CNOT10: variants seen among roughly 807,000 people sequenced by gnomAD.
CNOT10 encodes the protein CCR4-NOT transcription complex, subunit 10.
CNOT10 carries 30 observed loss-of-function variants against 94.6 expected under a neutral mutation model. That is an observed-to-expected ratio of 0.32 (90% CI 0.24 to 0.43). The LOEUF is 0.43. Among genes scored for constraint, CNOT10 ranks in the 20% least tolerant of loss-of-function variants. The pLI is 1.00. For synonymous variants in CNOT10, 289 were observed against 301.6 expected, an observed-to-expected ratio of 0.96 and a Z score of 0.43; for missense variants, 759 against 877.2, an observed-to-expected ratio of 0.87 and a Z score of 1.70.
chr3:32,753,845 G>A (rs2125617786), intron 13 of CNOT10: 2 of 1,518,074 alleles, frequency 1.3e-6, no homozygotes, highest in South Asian at 1.1e-5. Context: ...CTGGTCTGAT[G>A]TAGGTAAAAG....
rs1414155300 is a variant in CNOT10 at position 32,708,701 on chromosome 3, T to C, written c.311T>C (p.Leu104Ser). 1.9e-6 allele frequency: 3 copies of C among 1,613,114 alleles called. No individual in the cohort carries two copies. Among genetic ancestry groups the C allele is most frequent in the East Asian group, 4.5e-5 (2 of 44,808 alleles). ...VHSAVEEMDG[L>S]DDVENSMLYY... is the part of the protein sequence containing the mutation. Reference sequence around the variant, plus strand: ...TCAGCTGTTGAAGAAATGGATGGATTAGATGATGTTGAAAACAGCATGTTG... The same window carrying C: ...TCAGCTGTTGAAGAAATGGATGGATCAGATGATGTTGAAAACAGCATGTTG... Residue 104 changes from leucine to serine, a missense_variant, in exon 4 of 19, where the codon TTA (leucine) becomes TCA (serine). Leu to Ser is a moderately radical substitution (Grantham distance 145). Coordinates refer to ENST00000328834, the MANE Select transcript of CNOT10 (RefSeq NM_015442.3).
At position 32,687,938 on chromosome 3, in the gene CNOT10, A is replaced by G. The variant is rs1029612924; in HGVS notation, c.22+2456A>G. Among the ~76,000 whole-genome samples, 5 of 152,152 alleles carry G rather than the reference A, an allele frequency of 3.3e-5. No homozygotes were observed. The East Asian group carries it at 7.7e-4, about 24-fold the overall frequency. ...ACACTATTCATTCAGTCTATCTTAC[A>G]TGCTGCTTCCTCTCTGAGCTCACGA... On this transcript the variant is annotated intron_variant, in intron 1 of 18. Transcript: ENST00000328834.
intron 7 of CNOT10, among the ~76,000 whole-genome samples, chr3:32,718,993 G>A (rs1281662894): frequency 6.6e-6 from 1 of 152,162 alleles, no homozygotes; most frequent in Non-Finnish European, 1.5e-5. Flanking sequence ...GCTCACGCCT[G>A]TAATCCCCAC....
At chr3:32,688,615 C>T (rs947003472) in intron 1 of CNOT10, among the ~76,000 whole-genome samples, 2 of 151,488 alleles carry the variant, frequency 1.3e-5, no homozygotes, top group Admixed American at 6.6e-5. Flanking sequence ...AAATAATACT[C>T]AGAAGAAAAA....
chr3:32,760,988 G>A (rs781100254), intron 14 of CNOT10, among the ~76,000 whole-genome samples: 6 of 151,848 alleles, frequency 4.0e-5, no homozygotes, highest in Non-Finnish European at 5.9e-5. Context: ...AATTAGCCGG[G>A]CATGGGGGCA....
chr3:32,756,570 A>T (rs941400871), intron 13 of CNOT10, among the ~76,000 whole-genome samples: 4 of 152,164 alleles, frequency 2.6e-5, no homozygotes, highest in African/African-American at 9.7e-5. Flanking sequence ...CATGCAGGAA[A>T]AGTCCCATTT....
chr3:32,697,088 T>C (rs2125500646), intron 1 of CNOT10, among the ~76,000 whole-genome samples: 1 of 152,096 alleles, frequency 6.6e-6, no homozygotes, highest in East Asian at 1.9e-4. Context: ...GTAGCTGAGA[T>C]TGTAGGCATA....
chr3:32,764,563 G>A, intron 16 of CNOT10, 73 bp downstream of exon 16: 1 of 1,604,764 alleles, frequency 6.2e-7, no homozygotes, highest in Non-Finnish European at 8.5e-7. Context: ...AATCTTCTGT[G>A]TTCGTTTTTC....
chr3:32,726,836 A>ATTTTTT (rs56273006), intron 9 of CNOT10, among the ~76,000 whole-genome samples: 1 of 81,274 alleles, frequency 1.2e-5, no homozygotes, highest in African/African-American at 4.5e-5. Flanking sequence ...ACCAAGATGA[A>ATTTTTT]TTTTTTTTTT....
intron 4 of CNOT10, 112 bp from the exon 5 acceptor site, chr3:32,713,115 A>T: frequency 2.5e-6 from 2 of 815,040 alleles, no homozygotes; most frequent in Non-Finnish European, 3.7e-6. Flanking sequence ...TCATTTGAGT[A>T]AAGACTTATG....
intron 1 of CNOT10, among the ~76,000 whole-genome samples, chr3:32,696,219 G>A (rs1697060765): frequency 6.6e-6 from 1 of 152,058 alleles, no homozygotes; most frequent in Admixed American, 6.6e-5. Context: ...AGGAGGCTGA[G>A]GCAGGAGAAT....
At chr3:32,753,948 T>A in intron 13 of CNOT10, 1 of 964,560 alleles carries the variant, frequency 1.0e-6, no homozygotes, top group Non-Finnish European at 1.5e-6. Flanking sequence ...AATATAAAAA[T>A]TAGCTGGGCA....
chr3:32,737,610 G>A lies in CNOT10; in HGVS notation c.1595+120G>A, dbSNP rs893041683. 6.4e-5 allele frequency: 37 copies of A among 580,406 alleles called. No individual in the cohort carries two copies. In the African/African-American group the frequency reaches 6.9e-4, roughly 11 times the overall value. 36.0% of individuals were successfully genotyped at this position (580,406 alleles called of 1,614,324 possible). A position where few individuals can be genotyped will look rare whatever the true frequency, so the allele number is the denominator to read the frequency against. ...GAGGCCGAGGCTGGTGGATCACTAGGTCAGGAGTTCGAGACCAGCCTGGCC... is the reference window on the plus strand; with the variant it reads ...GAGGCCGAGGCTGGTGGATCACTAGATCAGGAGTTCGAGACCAGCCTGGCC... On this transcript the variant is annotated intron_variant, in intron 13 of 18. Transcript: ENST00000328834.
rs1324349867 is a variant in CNOT10 at position 32,725,662 on chromosome 3, A to G, written c.1012+63A>G. ...TTCAGAAAAGCATGATTTAAAAAGC[A>G]TGAATGTGGTTAAAATACCCACCAT... On this transcript the variant is annotated intron_variant, in intron 9 of 18. Transcript: ENST00000328834. 10 of 1,459,940 alleles carry G rather than the reference A, an allele frequency of 6.8e-6. No individual in the cohort carries two copies. In the East Asian group the frequency reaches 1.4e-4, roughly 21 times the overall value. 90.4% of individuals were successfully genotyped at this position (1,459,940 alleles called of 1,614,324 possible).
intron 1 of CNOT10, among the ~76,000 whole-genome samples, chr3:32,695,986 T>A (rs1310011151): frequency 4.5e-5 from 5 of 110,982 alleles, no homozygotes; most frequent in Non-Finnish European, 1.1e-4. Context: ...TGTGTGTGTG[T>A]GTGTGTGTGT....
chr3:32,723,582 T>C (rs1698519599), intron 8 of CNOT10, among the ~76,000 whole-genome samples: 1 of 152,076 alleles, frequency 6.6e-6, no homozygotes, highest in Non-Finnish European at 1.5e-5. Context: ...TACCATAGAA[T>C]TTAGAAAACA....
intron 13 of CNOT10, among the ~76,000 whole-genome samples, chr3:32,748,503 G>A (rs1699808637): frequency 6.6e-6 from 1 of 151,990 alleles, no homozygotes; most frequent in Non-Finnish European, 1.5e-5. Flanking sequence ...TTTTTCTTCT[G>A]ATATGTTTTT....
intron 13 of CNOT10, among the ~76,000 whole-genome samples, chr3:32,743,248 A>T (rs1213040613): frequency 6.6e-6 from 1 of 151,984 alleles, no homozygotes; most frequent in African/African-American, 2.4e-5. Flanking sequence ...TAGCTTCCCA[A>T]AGTGCTGGCA....
intron 1 of CNOT10, among the ~76,000 whole-genome samples, chr3:32,702,976 A>T (rs112518358): frequency 0.019 from 2,864 of 148,358 alleles, 44 homozygotes; most frequent in East Asian, 0.047. Flanking sequence ...CAGTGGCATT[A>T]TCTTGGCTCA....
Sources: gnomAD v4.1 joint callset for allele counts (sites outside exome capture counted in the v4.1 genomes callset) on GRCh38, gnomAD v4.1.1 for gene constraint, MANE v1.5 for transcripts, NCBI Gene and HGNC (gene_info 2026-07-23, HGNC 2026-07-21) for gene names.